NUP93: variants seen among roughly 807,000 people sequenced by gnomAD.
NUP93 encodes the protein nucleoporin 93, also known as nuclear pore complex protein Nup93.
NUP93 carries 55 observed loss-of-function variants against 107.8 expected under a neutral mutation model. The ratio of observed to expected loss-of-function variants is 0.51; its 90% CI spans 0.41 to 0.64. NUP93 has a LOEUF of 0.64. Among genes scored for constraint, NUP93 ranks in the 30% least tolerant of loss-of-function variants. The pLI is 0.00. For missense variants in NUP93, 937 were observed against 1,044.7 expected (o/e 0.90, Z 1.42); for synonymous variants, 390 against 397.5 (o/e 0.98, Z 0.22).
chr16:56,768,450 C>T (rs149101952), intron 3 of NUP93, among the ~76,000 whole-genome samples: 5,617 of 152,128 alleles, frequency 0.037, 146 homozygotes, highest in East Asian at 0.075. Flanking sequence ...GTAATCCTAG[C>T]TACTCGGGAG....
At chr16:56,751,593 A>G (rs1259905640) in intron 2 of NUP93, among the ~76,000 whole-genome samples, 1 of 152,226 alleles carries the variant, frequency 6.6e-6, no homozygotes, top group Non-Finnish European at 1.5e-5. Flanking sequence ...ACTGGTCTGC[A>G]GTGCCTGAGA....
intron 1 of NUP93, among the ~76,000 whole-genome samples, chr16:56,737,259 A>G (rs1177724755): frequency 6.6e-6 from 1 of 152,206 alleles, no homozygotes; most frequent in Non-Finnish European, 1.5e-5. Context: ...CTCGCTGCTC[A>G]GTGTGTAGTC....
chr16:56,752,699 A>C (rs1961945748), intron 2 of NUP93, among the ~76,000 whole-genome samples: 1 of 152,226 alleles, frequency 6.6e-6, no homozygotes, highest in Admixed American at 6.5e-5. Context: ...TAGCCAAAAC[A>C]ATCTTTAAAA....
At chr16:56,757,632 G>C (rs1187284541) in intron 2 of NUP93, among the ~76,000 whole-genome samples, 1 of 152,100 alleles carries the variant, frequency 6.6e-6, no homozygotes, top group Non-Finnish European at 1.5e-5. Flanking sequence ...TAGAAATAAA[G>C]ATGGCTATAT....
At chr16:56,796,523 C>G (rs1004522148) in intron 3 of NUP93, among the ~76,000 whole-genome samples, 1 of 152,182 alleles carries the variant, frequency 6.6e-6, no homozygotes, top group South Asian at 2.1e-4. Flanking sequence ...TGACTATATA[C>G]TAAAACATTA....
intron 3 of NUP93, among the ~76,000 whole-genome samples, chr16:56,761,863 A>C (rs139376179): frequency 1.2e-4 from 19 of 152,344 alleles, no homozygotes; most frequent in African/African-American, 4.6e-4. Context: ...GTTGTTTGTC[A>C]TAATCAATAA....
At chr16:56,774,366 C>G (rs1286627776) in intron 3 of NUP93, among the ~76,000 whole-genome samples, 1 of 152,006 alleles carries the variant, frequency 6.6e-6, no homozygotes, top group Non-Finnish European at 1.5e-5. Context: ...TGCCTTTTTC[C>G]CAGCTCCTCT....
intron 8 of NUP93, among the ~76,000 whole-genome samples, chr16:56,825,064 T>G (rs1418384800): frequency 6.6e-6 from 1 of 151,880 alleles, no homozygotes; most frequent in Non-Finnish European, 1.5e-5. Flanking sequence ...CCCAGGAATT[T>G]TTTTTTTTTT....
rs147381896 is a variant in NUP93 at position 56,841,826 on chromosome 16, G to A, written c.2342G>A (p.Arg781His). Residue 781 changes from arginine (R) to histidine (H), a missense_variant, in exon 21 of 22, where the codon CGC becomes CAC. By Grantham distance (29) the Arg-to-His change is conservative. Coordinates refer to ENST00000308159, the MANE Select transcript of NUP93 (RefSeq NM_014669.5). The part of the protein sequence containing the change: ...SSRPQRVIED[R>H]DSQLRSQART... ...AGGCCCCAGCGAGTCATCGAGGACC[G>A]CGACTCTGTAAGATCCCAGCATTCG... 300 of 1,614,004 alleles carry A rather than the reference G, an allele frequency of 1.9e-4. No individual in the cohort carries two copies. The African/African-American group carries it at 2.4e-3, about 13-fold the overall frequency.
chr16:56,832,438 G>T, intron 12 of NUP93, 50 bp downstream of exon 12: 1 of 1,440,204 alleles, frequency 6.9e-7, no homozygotes, highest in South Asian at 1.1e-5. Context: ...CACTTAAGGT[G>T]ACTACTTCAG....
chr16:56,808,765 CATAT>C (rs370431408), intron 5 of NUP93, among the ~76,000 whole-genome samples: 1 of 137,630 alleles, frequency 7.3e-6, no homozygotes, highest in African/African-American at 2.7e-5. Flanking sequence ...TATAAAAATA[CATAT>C]ATATAAATAC....
At chr16:56,808,216 T>TATAACTATATAAAATATA (rs1567398419) in intron 5 of NUP93, among the ~76,000 whole-genome samples, 1 of 108,876 alleles carries the variant, frequency 9.2e-6, no homozygotes, top group Non-Finnish European at 1.7e-5. Flanking sequence ...TATATAGTTA[T>TATAACTATATAAAATATA]GTAACTATAT....
intron 9 of NUP93, among the ~76,000 whole-genome samples, chr16:56,830,031 C>G (rs1210719152): frequency 6.6e-6 from 1 of 152,236 alleles, no homozygotes; most frequent in Non-Finnish European, 1.5e-5. Flanking sequence ...AGCTGTCTCT[C>G]AGATCCCCAG....
At chr16:56,747,649 C>T (rs150281599) in intron 1 of NUP93, among the ~76,000 whole-genome samples, 78 of 152,072 alleles carry the variant, frequency 5.1e-4, no homozygotes, top group African/African-American at 1.7e-3. Context: ...GTGGTTAGTC[C>T]GAAGAATGCC....
chr16:56,806,385 A>G (rs141035403), intron 5 of NUP93, among the ~76,000 whole-genome samples: 192 of 152,080 alleles, frequency 1.3e-3, no homozygotes, highest in African/African-American at 4.2e-3. Context: ...TCTTGCTTGG[A>G]TTATTGAACT....
chr16:56,825,146 T>C (rs1963631387), intron 8 of NUP93, among the ~76,000 whole-genome samples: 1 of 148,166 alleles, frequency 6.7e-6, no homozygotes, highest in South Asian at 2.2e-4. Context: ...AACGTCTGCC[T>C]CCCAGGCTCA....
At chr16:56,769,899 G>T (rs568005374) in intron 3 of NUP93, among the ~76,000 whole-genome samples, 1 of 152,252 alleles carries the variant, frequency 6.6e-6, no homozygotes, top group East Asian at 1.9e-4. Flanking sequence ...TTGAAATCTT[G>T]TATTGTATAA....
intron 2 of NUP93, among the ~76,000 whole-genome samples, chr16:56,752,646 A>G (rs745866257): frequency 3.3e-5 from 5 of 152,214 alleles, no homozygotes; most frequent in Non-Finnish European, 7.3e-5. Context: ...CGAAAGTGAC[A>G]AGCTGATTCT....
In NUP93 at chr16:56,818,741, G is replaced by A. The variant is rs372150024; in HGVS notation, c.564+3G>A. The stretch of plus-strand genomic sequence containing the variant: ...TCGAGATGGCCTATGCGCGGCAAGT[G>A]AGTGTGATTTTAAGGGGGATTAAGC... On this transcript the variant is annotated splice_donor_region_variant and intron_variant, in intron 6 of 21. Transcript: ENST00000308159. 186 of 1,613,152 alleles carry A rather than the reference G, an allele frequency of 1.2e-4. No homozygotes were observed. Among genetic ancestry groups the A allele is most frequent in the Middle Eastern group, 1.6e-4 (1 of 6,084 alleles).
Sources: allele counts gnomAD v4.1 joint callset (sites outside exome capture counted in the v4.1 genomes callset), GRCh38; gene constraint gnomAD v4.1.1; transcripts MANE v1.5; gene names NCBI Gene and HGNC (gene_info 2026-07-23, HGNC 2026-07-21).